SERINC5: variants seen among roughly 807,000 people sequenced by gnomAD.
The protein encoded by SERINC5 is serine incorporator 5, also known as chromosome 5 open reading frame 12.
In SERINC5, 41 loss-of-function variants were observed where a neutral mutation model predicts 63.1. The ratio of observed to expected loss-of-function variants is 0.65; its 90% CI spans 0.51 to 0.84. The LOEUF is 0.84. Among genes scored for constraint, SERINC5 ranks in the 40% least tolerant of loss-of-function variants. The pLI is 0.00. For synonymous variants in SERINC5, 222 were observed against 215.2 expected, an observed-to-expected ratio of 1.03 and a Z score of -0.28; for missense variants, 523 against 573.0, an observed-to-expected ratio of 0.91 and a Z score of 0.89.
At position 80,171,996 on chromosome 5, in the gene SERINC5, G is replaced by A. The variant is rs113571473; in HGVS notation, c.552-2450C>T. On this transcript the variant is annotated intron_variant, in intron 5 of 11. Transcript: ENST00000507668. ...CTATATAACATATATGTATCAAAAC[G>A]TCAAAATGAACCCGATAAATATGTA... is the stretch of plus-strand genomic sequence containing the variant. 4.6e-3 allele frequency among the ~76,000 whole-genome samples: 704 copies of A among 152,202 alleles called. 6 individuals are homozygous for A. Among genetic ancestry groups the A allele is most frequent in the African/African-American group, 0.015 (621 of 41,518 alleles).
chr5:80,141,599 G>A lies in SERINC5; in HGVS notation c.*2064C>T, dbSNP rs187456580. ...GGCTCTTTACCTGCTTCCCCTCAGG[G>A]TGTTTCCTAAAGACAACCCCCAAGG... is the stretch of plus-strand genomic sequence containing the variant. On this transcript the variant is annotated 3_prime_UTR_variant, in exon 12 of 12. Transcript: ENST00000507668. The A allele has an allele frequency of 4.7e-5, 46 of 985,412 alleles. No homozygotes were observed. Among genetic ancestry groups the A allele is most frequent in the Non-Finnish European group, 5.5e-5 (46 of 830,058 alleles). The allele number at this position is 985,412 out of a possible 1,614,324, so 61.0% of individuals were successfully genotyped here. A position where few individuals can be genotyped will look rare whatever the true frequency, so the allele number is the denominator to read the frequency against.
rs1323438064 is a variant in SERINC5 at position 80,140,246 on chromosome 5, G to A, written c.*3417C>T. ...TCCTTGAGCCCAGGAGGTCAAGCCT[G>A]CCATGAGTCAAGATCATGTCACTGC... is the stretch of plus-strand genomic sequence containing the variant. On this transcript the variant is annotated 3_prime_UTR_variant, in exon 12 of 12. Coordinates refer to ENST00000507668, the MANE Select transcript of SERINC5 (RefSeq NM_001174072.3). The A allele has an allele frequency of 2.2e-6, 2 of 894,986 alleles. No homozygotes were observed. The highest frequency in any genetic ancestry group is 5.2e-5 in the South Asian group (1 of 19,176). 55.4% of individuals were successfully genotyped at this position (894,986 alleles called of 1,614,324 possible). A position where few individuals can be genotyped will look rare whatever the true frequency, so the allele number is the denominator to read the frequency against.
At chr5:80,156,147 T>G (rs1170522713) in intron 8 of SERINC5, among the ~76,000 whole-genome samples, 4 of 152,162 alleles carry the variant, frequency 2.6e-5, no homozygotes, top group South Asian at 2.1e-4. Flanking sequence ...TCCTTTTAAC[T>G]TACATACTAT....
chr5:80,212,665 T>TGGGGGGGGGGGGGG (rs752075084), intron 1 of SERINC5, among the ~76,000 whole-genome samples: 3 of 50,196 alleles, frequency 6.0e-5, no homozygotes, highest in African/African-American at 1.6e-4. Context: ...AGTGGTGGGG[T>TGGGGGGGGGGGGGG]GGGGGGGGGG....
chr5:80,237,122 C>T (rs1228349915), intron 1 of SERINC5, among the ~76,000 whole-genome samples: 1 of 151,802 alleles, frequency 6.6e-6, no homozygotes, highest in African/African-American at 2.4e-5. Flanking sequence ...CCACTGCGCC[C>T]GGCCCCAGTG....
At chr5:80,181,253 C>T (rs2112428285) in intron 2 of SERINC5, among the ~76,000 whole-genome samples, 1 of 152,214 alleles carries the variant, frequency 6.6e-6, no homozygotes. Flanking sequence ...CCATTTTCTC[C>T]CCACTCCTTT....
chr5:80,130,309 G>A (rs568690480), intron 11 of SERINC5, among the ~76,000 whole-genome samples: 47 of 152,188 alleles, frequency 3.1e-4, no homozygotes, highest in South Asian at 1.2e-3. Context: ...GAACCCAGGA[G>A]GCAGAGGTTG....
chr5:80,177,977 A>T lies in SERINC5; in HGVS notation c.283T>A (p.Cys95Ser). Residue 95 changes from cysteine to serine, a missense_variant, in exon 3 of 12, where the codon TGT (cysteine) becomes AGT (serine). Physicochemically the swap from Cys to Ser is moderately radical, Grantham distance 112. Transcript: ENST00000507668. ...AAGAAGAAACAAGCCATTCCAAAAC[A>T]GACTCTATACACGGCAGAATATCCC... ...LVGYSAVYRV[C>S]FGMACFFFIF... The T allele has an allele frequency of 6.2e-7, 1 of 1,612,836 alleles. No individual in the cohort carries two copies. Among genetic ancestry groups the T allele is most frequent in the South Asian group, 1.1e-5 (1 of 90,766 alleles).
intron 11 of SERINC5, chr5:80,116,226 C>T (rs1251615311): frequency 2.2e-6 from 1 of 446,844 alleles, no homozygotes; most frequent in African/African-American, 2.0e-5. Context: ...AATGCTAAAA[C>T]CAGGCTTTCC....
chr5:80,244,588 T>C (rs952503706), intron 1 of SERINC5, among the ~76,000 whole-genome samples: 9 of 151,436 alleles, frequency 5.9e-5, no homozygotes, highest in East Asian at 2.0e-4. Context: ...CCCAGCACTT[T>C]GGGAGGCTGA....
At chr5:80,173,404 G>A (rs1274197916) in intron 5 of SERINC5, among the ~76,000 whole-genome samples, 2 of 152,018 alleles carry the variant, frequency 1.3e-5, no homozygotes, top group Non-Finnish European at 2.9e-5. Context: ...GACCATCCTG[G>A]CTAACACGGT....
chr5:80,247,795 G>GA (rs1281909627), intron 1 of SERINC5, among the ~76,000 whole-genome samples: 1 of 152,132 alleles, frequency 6.6e-6, no homozygotes, highest in Admixed American at 6.6e-5. Context: ...TGAAAGTGTG[G>GA]ATAGTACCCA....
intron 2 of SERINC5, among the ~76,000 whole-genome samples, chr5:80,192,544 C>T (rs1211519986): frequency 1.3e-5 from 2 of 152,052 alleles, no homozygotes; most frequent in Non-Finnish European, 2.9e-5. Context: ...GAGCTTCCAG[C>T]GCTCATCTCT....
chr5:80,191,490 A>AAAG (rs1749180458), intron 2 of SERINC5, among the ~76,000 whole-genome samples: 1 of 102,808 alleles, frequency 9.7e-6, no homozygotes, highest in African/African-American at 3.3e-5. Context: ...AAAAAAAAAA[A>AAAG]AAAAAGAAAA....
intron 1 of SERINC5, among the ~76,000 whole-genome samples, chr5:80,205,952 T>C (rs1167154984): frequency 1.7e-5 from 2 of 115,076 alleles, no homozygotes; most frequent in African/African-American, 6.6e-5. Flanking sequence ...AAAAACAAAA[T>C]ATTAGCCGGG....
At chr5:80,172,379 G>A (rs1321694585) in intron 5 of SERINC5, among the ~76,000 whole-genome samples, 1 of 152,116 alleles carries the variant, frequency 6.6e-6, no homozygotes, top group Non-Finnish European at 1.5e-5. Flanking sequence ...TAAATGAAGA[G>A]GACAGAACAG....
chr5:80,195,775 G>A (rs969288715), intron 2 of SERINC5, among the ~76,000 whole-genome samples: 1 of 152,168 alleles, frequency 6.6e-6, no homozygotes, highest in African/African-American at 2.4e-5. Flanking sequence ...TAAAAGATGT[G>A]CTTATGAATA....
chr5:80,219,404 CT>C (rs2112534347), intron 1 of SERINC5, among the ~76,000 whole-genome samples: 1 of 152,334 alleles, frequency 6.6e-6, no homozygotes, highest in African/African-American at 2.4e-5. Flanking sequence ...TTCTTTCCAG[CT>C]CTTCCCTCTT....
chr5:80,136,542 C>G (rs1053991472), downstream of SERINC5, among the ~76,000 whole-genome samples: 2 of 152,072 alleles, frequency 1.3e-5, no homozygotes, highest in African/African-American at 2.4e-5. Flanking sequence ...AATCAACTTA[C>G]AATGAATTAA....
Sources: gnomAD v4.1 joint callset for allele counts (sites outside exome capture counted in the v4.1 genomes callset) on GRCh38, gnomAD v4.1.1 for gene constraint, MANE v1.5 for transcripts, NCBI Gene and HGNC (gene_info 2026-07-23, HGNC 2026-07-21) for gene names.